RYR3: variants seen among roughly 807,000 people sequenced by gnomAD.
RYR3 encodes the protein brain ryanodine receptor-calcium release channel.
A neutral mutation model predicts 584.3 loss-of-function variants in RYR3; 207 were observed. The ratio of observed to expected loss-of-function variants is 0.35; its 90% CI spans 0.32 to 0.40. The LOEUF (loss-of-function observed/expected upper bound fraction) is 0.40. Among genes scored for constraint, RYR3 ranks in the 10% least tolerant of loss-of-function variants. RYR3 has a pLI of 1.00. For synonymous variants in RYR3, 2,416 were observed against 2,248.5 expected (o/e 1.07, Z -2.11); for missense variants, 5,616 against 6,089.2 (o/e 0.92, Z 2.59).
intron 68 of RYR3, 41 bp from the exon 69 acceptor site, chr15:33,801,828 C>A: frequency 9.2e-7 from 1 of 1,091,554 alleles, no homozygotes; most frequent in Non-Finnish European, 1.4e-6. Flanking sequence ...GTTTACAGAA[C>A]TTTCTTGTAA....
intron 1 of RYR3, among the ~76,000 whole-genome samples, chr15:33,336,482 GAGAGAA>G (rs1213884159): frequency 4.3e-4 from 18 of 41,908 alleles, no homozygotes; most frequent in South Asian, 1.6e-3. Context: ...GAGAGAGAGA[GAGAGAA>G]AGAAAGAAAG....
intron 3 of RYR3, among the ~76,000 whole-genome samples, chr15:33,523,138 G>A (rs988138531): frequency 1.3e-4 from 20 of 152,206 alleles, no homozygotes; most frequent in Admixed American, 5.9e-4. Flanking sequence ...CTAAAGGATT[G>A]TAAACACACC....
intron 20 of RYR3, among the ~76,000 whole-genome samples, chr15:33,625,389 C>CA (rs1241847373): frequency 6.6e-6 from 1 of 152,158 alleles, no homozygotes; most frequent in Admixed American, 6.6e-5. Context: ...GCCTGCTTCA[C>CA]AGAGTACCTT....
chr15:33,489,604 G>A (rs575789127), intron 2 of RYR3, among the ~76,000 whole-genome samples: 1 of 64,866 alleles, frequency 1.5e-5, no homozygotes, highest in South Asian at 3.9e-4. Flanking sequence ...TATCCAATCT[G>A]CCATGGTGAG....
chr15:33,750,431 C>G (rs1166199774), intron 57 of RYR3, 145 bp downstream of exon 57: 40 of 775,748 alleles, frequency 5.2e-5, no homozygotes, highest in Non-Finnish European at 6.9e-5. Flanking sequence ...ATGAAGCCCT[C>G]TTTTTTTGAT....
intron 94 of RYR3, chr15:33,850,214 A>C (rs1344552469): frequency 6.6e-6 from 1 of 152,052 alleles, no homozygotes; most frequent in African/African-American, 2.4e-5. Flanking sequence ...CCCCGTCTCT[A>C]CTAAAAATAC....
intron 12 of RYR3, among the ~76,000 whole-genome samples, chr15:33,575,171 A>G (rs1438440797): frequency 2.1e-5 from 3 of 145,686 alleles, no homozygotes; most frequent in Admixed American, 2.0e-4. Flanking sequence ...CTCCCACACA[A>G]TAATAGTGGG....
rs200884395 is a variant in RYR3, at chr15:33,652,808, C to T, written c.4233C>T (p.Ile1411=). 43 of 1,613,878 alleles carry T rather than the reference C, an allele frequency of 2.7e-5. No homozygotes were observed. In the African/African-American group the frequency reaches 5.3e-4, roughly 20 times the overall value. Residue 1411 remains isoleucine, a synonymous_variant, in exon 32 of 104, where the codon ATC becomes ATT. Coordinates refer to ENST00000634891, the MANE Select transcript of RYR3 (RefSeq NM_001036.6). ...RSNRSNVDLE[I]GCLVDLAMGM... is the part of the protein sequence containing the mutation. ...ATCGGAGCAACGTGGACCTGGAGATCGGCTGTCTCGTGGATCTGGCCATGG... is the reference window on the plus strand; with the variant it reads ...ATCGGAGCAACGTGGACCTGGAGATTGGCTGTCTCGTGGATCTGGCCATGG...
chr15:33,713,973 T>TG (rs1222262862), intron 43 of RYR3, among the ~76,000 whole-genome samples: 2 of 151,878 alleles, frequency 1.3e-5, no homozygotes, highest in East Asian at 1.9e-4. Context: ...TTTTGGAGGG[T>TG]GGGGGGGACA....
At position 33,865,498 on chromosome 15, in the gene RYR3, T is replaced by G; in HGVS notation, c.*272T>G. 1 of 392,874 alleles carries G rather than the reference T, an allele frequency of 2.5e-6. No homozygotes were observed. Among genetic ancestry groups the G allele is most frequent in the South Asian group, 3.9e-5 (1 of 25,326 alleles). The allele number at this position is 392,874 out of a possible 1,614,324, so 24.3% of individuals were successfully genotyped here. On this transcript the variant is annotated 3_prime_UTR_variant, in exon 104 of 104. Coordinates refer to ENST00000634891, the MANE Select transcript of RYR3 (RefSeq NM_001036.6). ...CAAATGCCTTCAAGTTTTCCAGTTCTGAGGTAACTAGTTCAGTTTGTTGGG... is the reference window on the plus strand; with the variant it reads ...CAAATGCCTTCAAGTTTTCCAGTTCGGAGGTAACTAGTTCAGTTTGTTGGG...
intron 3 of RYR3, among the ~76,000 whole-genome samples, chr15:33,511,435 TTTTG>T (rs1234315940): frequency 6.6e-6 from 1 of 152,072 alleles, no homozygotes; most frequent in Non-Finnish European, 1.5e-5. Flanking sequence ...CCATTTACTG[TTTTG>T]TTTTTGATTT....
chr15:33,671,917 G>A (rs903476302), intron 38 of RYR3, among the ~76,000 whole-genome samples: 1 of 144,620 alleles, frequency 6.9e-6, no homozygotes, highest in African/African-American at 2.5e-5. Context: ...CGGTTCAAGC[G>A]ATTCTCCTGC....
chr15:33,541,602 A>G (rs2055823079), intron 7 of RYR3, among the ~76,000 whole-genome samples: 1 of 152,212 alleles, frequency 6.6e-6, no homozygotes, highest in South Asian at 2.1e-4. Flanking sequence ...TAGCAAGATC[A>G]GAATTTTTAA....
chr15:33,530,973 C>A (rs762851436), intron 4 of RYR3, among the ~76,000 whole-genome samples: 1 of 152,054 alleles, frequency 6.6e-6, no homozygotes, highest in Non-Finnish European at 1.5e-5. Flanking sequence ...ATACTAGATG[C>A]TCAATAAATA....
chr15:33,608,747 CTT>C (rs1323211566), intron 18 of RYR3, among the ~76,000 whole-genome samples: 1 of 152,218 alleles, frequency 6.6e-6, no homozygotes, highest in Non-Finnish European at 1.5e-5. Flanking sequence ...TTGCTTATAA[CTT>C]TTCTTAGCAA....
intron 3 of RYR3, among the ~76,000 whole-genome samples, chr15:33,515,245 G>A (rs1426582492): frequency 2.6e-5 from 4 of 152,152 alleles, no homozygotes; most frequent in Admixed American, 6.5e-5. Flanking sequence ...CAATGATACT[G>A]TCTAAACCAT....
At chr15:33,861,388 C>CCCCT (rs1456349904) in intron 102 of RYR3, among the ~76,000 whole-genome samples, 1 of 149,422 alleles carries the variant, frequency 6.7e-6, no homozygotes, top group African/African-American at 2.6e-5. Flanking sequence ...AAAAGGCCAG[C>CCCCT]CCCTCAACCT....
chr15:33,572,349 A>G (rs1057334941), intron 12 of RYR3, among the ~76,000 whole-genome samples: 2 of 152,096 alleles, frequency 1.3e-5, no homozygotes, highest in African/African-American at 4.8e-5. Flanking sequence ...ATTTCTTACA[A>G]GACAAGCCTG....
chr15:33,543,422 A>G (rs1184334760), intron 7 of RYR3, among the ~76,000 whole-genome samples, 200 bp from the exon 8 acceptor site: 5 of 152,094 alleles, frequency 3.3e-5, no homozygotes, highest in African/African-American at 9.7e-5. Context: ...GCCCTATTTA[A>G]CTTTCAACAT....
Sources: allele counts gnomAD v4.1 joint callset (sites outside exome capture counted in the v4.1 genomes callset), GRCh38; gene constraint gnomAD v4.1.1; transcripts MANE v1.5; gene names NCBI Gene and HGNC (gene_info 2026-07-23, HGNC 2026-07-21).